Variants in MAP3K7CL observed in about 807,000 individuals in gnomAD.
MAP3K7CL encodes MAP3K7 C-terminal like.
MAP3K7CL carries 16 observed loss-of-function variants against 18.6 expected under a neutral mutation model. The observed-to-expected ratio is 0.86, with a 90% CI of 0.58 to 1.31. The LOEUF is 1.31. Among genes scored for constraint, MAP3K7CL ranks in the 50% most tolerant of loss-of-function variants. The pLI, the probability that MAP3K7CL is intolerant of heterozygous loss-of-function variation, is 0.00. For missense variants in MAP3K7CL, 163 were observed against 174.4 expected, an observed-to-expected ratio of 0.93 and a Z score of 0.37; for synonymous variants, 65 against 66.8, an observed-to-expected ratio of 0.97 and a Z score of 0.13.
intron 4 of MAP3K7CL, among the ~76,000 whole-genome samples, chr21:29,160,630 G>A (rs540192194): frequency 2.0e-5 from 3 of 151,958 alleles, no homozygotes; most frequent in Admixed American, 6.6e-5. Context: ...ACTTGATTCC[G>A]CCAGTGCCTA....
intron 2 of MAP3K7CL, among the ~76,000 whole-genome samples, chr21:29,144,393 G>A (rs2087079601): frequency 6.6e-6 from 1 of 152,180 alleles, no homozygotes; most frequent in African/African-American, 2.4e-5. Flanking sequence ...TCGAACTCCT[G>A]ACCTCAAGTG....
At chr21:29,099,285 T>G (rs1348639563) in intron 4 of MAP3K7CL, among the ~76,000 whole-genome samples, 1 of 122,502 alleles carries the variant, frequency 8.2e-6, no homozygotes, top group Non-Finnish European at 1.7e-5. Context: ...TTTTTTTTTT[T>G]GTAGAGACGG....
chr21:29,149,586 G>A (rs1170756986), intron 3 of MAP3K7CL, among the ~76,000 whole-genome samples: 1 of 152,164 alleles, frequency 6.6e-6, no homozygotes, highest in South Asian at 2.1e-4. Flanking sequence ...CTTGTCTGGG[G>A]TTAGTGATTT....
intron 4 of MAP3K7CL, among the ~76,000 whole-genome samples, chr21:29,093,625 G>C (rs553228332): frequency 6.6e-6 from 1 of 151,596 alleles, no homozygotes; most frequent in Admixed American, 6.6e-5. Context: ...GGGACTGCCG[G>C]CACCCGCCAC....
intron 3 of MAP3K7CL, among the ~76,000 whole-genome samples, chr21:29,153,199 C>G (rs1031714004): frequency 6.6e-6 from 1 of 152,122 alleles, no homozygotes; most frequent in African/African-American, 2.4e-5. Flanking sequence ...AGCAAGAGAC[C>G]GCAGGAGAAG....
chr21:29,083,720 A>G (rs1308289743), upstream of MAP3K7CL, among the ~76,000 whole-genome samples: 1 of 151,748 alleles, frequency 6.6e-6, no homozygotes, highest in East Asian at 1.9e-4. Flanking sequence ...TGGTTTTACT[A>G]TTTTCCTGAT....
chr21:29,109,527 G>A (rs918606281), intron 4 of MAP3K7CL: 19 of 1,059,910 alleles, frequency 1.8e-5, no homozygotes, highest in African/African-American at 5.0e-5. Flanking sequence ...ATTTTGACCA[G>A]CAATTCCATA....
At chr21:29,125,758 G>T (rs1027404470), upstream of MAP3K7CL, among the ~76,000 whole-genome samples, 1 of 152,194 alleles carries the variant, frequency 6.6e-6, no homozygotes, top group African/African-American at 2.4e-5. Flanking sequence ...CTGCAAGAAG[G>T]CTTCCTGGGA....
At chr21:29,123,138 C>T (rs2086626241) in intron 4 of MAP3K7CL, among the ~76,000 whole-genome samples, 2 of 145,284 alleles carry the variant, frequency 1.4e-5, no homozygotes, top group Admixed American at 7.2e-5. Context: ...TCTTGGCTCA[C>T]TGCAACCTCT....
At chr21:29,094,923 G>T (rs1452218448) in intron 4 of MAP3K7CL, among the ~76,000 whole-genome samples, 2 of 152,144 alleles carry the variant, frequency 1.3e-5, no homozygotes, top group African/African-American at 4.8e-5. Flanking sequence ...GCCGGGCATG[G>T]TGGCATGCAC....
chr21:29,087,380 C>T (rs2085942642), intron 1 of MAP3K7CL, among the ~76,000 whole-genome samples: 2 of 152,100 alleles, frequency 1.3e-5, no homozygotes, highest in East Asian at 1.9e-4. Flanking sequence ...TGTAATCTTC[C>T]TGAGAATTTG....
chr21:29,159,364 T>C (rs923024100), intron 3 of MAP3K7CL, among the ~76,000 whole-genome samples: 1 of 151,058 alleles, frequency 6.6e-6, no homozygotes, highest in African/African-American at 2.4e-5. Context: ...ATAGGGATGG[T>C]TTTTTTTTAG....
intron 2 of MAP3K7CL, among the ~76,000 whole-genome samples, chr21:29,134,140 C>T (rs2086834747): frequency 6.6e-6 from 1 of 152,140 alleles, no homozygotes; most frequent in Non-Finnish European, 1.5e-5. Context: ...CATGCTTAAA[C>T]AACATTACCA....
chr21:29,108,126 A>G (rs2086355985), intron 4 of MAP3K7CL, among the ~76,000 whole-genome samples: 1 of 152,166 alleles, frequency 6.6e-6, no homozygotes, highest in African/African-American at 2.4e-5. Context: ...TCATATGTTG[A>G]AGTTCTTACC....
At chr21:29,095,376 T>G (rs1189277993) in intron 4 of MAP3K7CL, among the ~76,000 whole-genome samples, 1 of 152,158 alleles carries the variant, frequency 6.6e-6, no homozygotes, top group African/African-American at 2.4e-5. Context: ...GGGCAGGGGC[T>G]CATTTTTCTT....
intron 1 of MAP3K7CL, among the ~76,000 whole-genome samples, chr21:29,131,709 C>T (rs147132451): frequency 3.3e-5 from 5 of 152,278 alleles, no homozygotes; most frequent in Middle Eastern, 3.4e-3. Flanking sequence ...GGATAATAAA[C>T]AGTTGCTGGT....
At chr21:29,108,904 A>C (rs1414426881) in intron 4 of MAP3K7CL, 1 of 748,410 alleles carries the variant, frequency 1.3e-6, no homozygotes, top group South Asian at 1.9e-5. Context: ...AGTCAGCTCC[A>C]ATGGTGTGAA....
chr21:29,107,125 G>A lies in MAP3K7CL; in HGVS notation c.370+14544G>A, dbSNP rs995540480. 4.6e-5 allele frequency among the ~76,000 whole-genome samples: 7 copies of A among 152,122 alleles called. No individual in the cohort carries two copies. The East Asian group carries it at 5.8e-4, about 13-fold the overall frequency. On this transcript the variant is annotated intron_variant, in intron 4 of 6. Coordinates refer to the MAP3K7CL transcript ENST00000286791. ...GAGGTCAGGAGTTCAAGACCAACCT[G>A]GCCAAGATGGTGAATCCCCGTCTCT...
At position 29,140,283 on chromosome 21, in the gene MAP3K7CL, A is replaced by C. The variant is rs541729956; in HGVS notation, c.70+6869A>C. Among the ~76,000 whole-genome samples, 5 of 152,308 alleles carry C rather than the reference A, an allele frequency of 3.3e-5. No homozygotes were observed. The East Asian group carries it at 9.6e-4, about 29-fold the overall frequency. On this transcript the variant is annotated intron_variant, in intron 2 of 4. Transcript: ENST00000399928. ...ATCCTGGTGTCAGATGAAGAGTCTG[A>C]GATACTATGGGATTTATTGGTTGGA...
Sources: gnomAD v4.1 joint callset for allele counts (sites outside exome capture counted in the v4.1 genomes callset) on GRCh38, gnomAD v4.1.1 for gene constraint, MANE v1.5 for transcripts, NCBI Gene and HGNC (gene_info 2026-07-23, HGNC 2026-07-21) for gene names.